The following TANGO6 variants were observed in gnomAD, a reference collection of about 807,000 sequenced individuals.
The protein encoded by TANGO6 is transport and golgi organization 6 homolog.
TANGO6 carries 90 observed loss-of-function variants against 114.2 expected under a neutral mutation model. The ratio of observed to expected loss-of-function variants is 0.79; its 90% CI spans 0.66 to 0.94. The LOEUF (loss-of-function observed/expected upper bound fraction) is 0.94. Among genes scored for constraint, TANGO6 ranks in the 40% least tolerant of loss-of-function variants. TANGO6 has a pLI of 0.00. For missense variants in TANGO6, 1,274 were observed against 1,315.3 expected (o/e 0.97, Z 0.49); for synonymous variants, 477 against 509.8 (o/e 0.94, Z 0.87).
rs55840312 is a variant in TANGO6 at position 69,084,848 on chromosome 16, C to T, written c.*1187C>T. 0.025 allele frequency: 3,786 copies of T among 152,448 alleles called. 70 individuals are homozygous for T. The highest frequency in any genetic ancestry group is 0.041 in the Admixed American group (628 of 15,294). 9.4% of individuals were successfully genotyped at this position (152,448 alleles called of 1,614,324 possible). ...AGCTCGAGTGACTGAAGGATCTATACACAAACATGGCTATTTGCTAGTTAA... is the reference window on the plus strand; with the variant it reads ...AGCTCGAGTGACTGAAGGATCTATATACAAACATGGCTATTTGCTAGTTAA... On this transcript the variant is annotated 3_prime_UTR_variant, in exon 18 of 18. Coordinates refer to ENST00000261778, the MANE Select transcript of TANGO6 (RefSeq NM_024562.2).
chr16:69,016,634 G>T (rs1192363234), intron 15 of TANGO6, among the ~76,000 whole-genome samples: 2 of 151,850 alleles, frequency 1.3e-5, no homozygotes, highest in Admixed American at 1.3e-4. Context: ...TACTGTAGAG[G>T]TTTTAAAATA....
chr16:69,083,061 CCTT>C (rs1161683559), intron 17 of TANGO6, among the ~76,000 whole-genome samples: 2 of 151,666 alleles, frequency 1.3e-5, no homozygotes, highest in Non-Finnish European at 2.9e-5. Context: ...ACCCCTGCCT[CCTT>C]CTCCAACCCA....
intron 17 of TANGO6, among the ~76,000 whole-genome samples, chr16:69,077,718 A>G (rs2152244776): frequency 6.6e-6 from 1 of 152,042 alleles, no homozygotes; most frequent in Admixed American, 6.6e-5. Flanking sequence ...AATCCCAGCT[A>G]CTCGGGAGGC....
At chr16:69,044,856 A>T (rs1022425046) in intron 17 of TANGO6, among the ~76,000 whole-genome samples, 3 of 152,154 alleles carry the variant, frequency 2.0e-5, no homozygotes, top group Non-Finnish European at 4.4e-5. Context: ...TATCTGAAAA[A>T]GAAAAAAAAT....
At chr16:68,962,075 G>A (rs1409079179) in intron 14 of TANGO6, among the ~76,000 whole-genome samples, 3 of 152,114 alleles carry the variant, frequency 2.0e-5, no homozygotes, top group Admixed American at 2.0e-4. Flanking sequence ...TATCAAATTG[G>A]CATGCTAGAC....
chr16:68,945,327 G>A lies in TANGO6; in HGVS notation c.2701+15032G>A, dbSNP rs74025340. On this transcript the variant is annotated intron_variant, in intron 14 of 17. Transcript: ENST00000261778. ...GCAGCAAGTTTGTTTCAGTAGCTAA[G>A]ATAAAACTGGTTTTAGGTTACTTTT... is the stretch of plus-strand genomic sequence containing the variant. Among the ~76,000 whole-genome samples the A allele has an allele frequency of 7.0e-3, 1,064 of 152,258 alleles. 16 individuals are homozygous for A. The highest frequency in any genetic ancestry group is 0.024 in the African/African-American group (1,017 of 41,554).
intron 14 of TANGO6, among the ~76,000 whole-genome samples, chr16:68,943,848 T>C (rs1460452094): frequency 6.6e-6 from 1 of 152,130 alleles, no homozygotes; most frequent in Non-Finnish European, 1.5e-5. Flanking sequence ...TATCTGCTAG[T>C]TTTTACGTGT....
intron 14 of TANGO6, among the ~76,000 whole-genome samples, chr16:68,956,310 C>T (rs1290866333): frequency 6.6e-6 from 1 of 152,162 alleles, no homozygotes. Context: ...TAAGAACCTG[C>T]ATTTACTCTG....
intron 11 of TANGO6, among the ~76,000 whole-genome samples, chr16:68,916,850 AT>A (rs1215744302): frequency 2.6e-5 from 4 of 152,224 alleles, no homozygotes; most frequent in African/African-American, 9.6e-5. Flanking sequence ...AGCCTCCTCC[AT>A]TGTCACCATC....
intron 14 of TANGO6, among the ~76,000 whole-genome samples, chr16:68,962,625 G>T (rs1052112463): frequency 6.6e-6 from 1 of 152,122 alleles, no homozygotes; most frequent in Admixed American, 6.6e-5. Flanking sequence ...GCCAGGCATG[G>T]TAGTGCATGC....
At position 69,063,808 on chromosome 16, in the gene TANGO6, C is replaced by CTTCTTCTTCTTCTTATTA. The variant is rs56983779; in HGVS notation, c.3109-19675_3109-19674insCTTCTTCTTCTTATTATT. Among the ~76,000 whole-genome samples the CTTCTTCTTCTTCTTATTA allele has an allele frequency of 5.4e-3, 682 of 125,542 alleles. 9 individuals carry two copies. Among genetic ancestry groups the CTTCTTCTTCTTCTTATTA allele is most frequent in the African/African-American group, 0.021 (629 of 30,612 alleles). 82.4% of individuals were successfully genotyped at this position (125,542 alleles called of 152,430 possible). On this transcript the variant is annotated intron_variant, in intron 17 of 17. Transcript: ENST00000261778. ...TCTTCTTCTTCTTCTTCTTCTTCTT[C>CTTCTTCTTCTTCTTATTA]TTATTATTATTATTATTATTATTAT...
chr16:69,068,212 G>A (rs1254495933), intron 17 of TANGO6, among the ~76,000 whole-genome samples: 1 of 152,060 alleles, frequency 6.6e-6, no homozygotes, highest in Non-Finnish European at 1.5e-5. Context: ...CCTGAGGCAG[G>A]AGGATCACCT....
Position 68,907,538 on chromosome 16 carries a change from G to A in TANGO6, c.1763G>A (p.Cys588Tyr), listed in dbSNP as rs375813110. Residue 588 changes from cysteine to tyrosine, a missense_variant, in exon 10 of 18, where the codon TGC becomes TAC. By Grantham distance (194) the Cys-to-Tyr change is radical. This residue lies in a region of TANGO6 where 908 missense variants were observed against 910.2 expected (regional missense o/e 1.00). Transcript: ENST00000261778. The part of the protein sequence containing the change: ...LGDLLSHCQE[C>Y]GLAGDFFIFC... ...GACTTGCTGTCCCACTGCCAGGAAT[G>A]CGGTTTGGCAGGAGACTTCTTCATC... 6.2e-6 allele frequency: 10 copies of A among 1,613,666 alleles called. No homozygotes were observed. The highest frequency in any genetic ancestry group is 8.5e-6 in the Non-Finnish European group (10 of 1,179,830).
intron 13 of TANGO6, among the ~76,000 whole-genome samples, chr16:68,929,484 G>C (rs767698271): frequency 6.6e-6 from 1 of 152,036 alleles, no homozygotes; most frequent in South Asian, 2.1e-4. Context: ...TAGGCTCTCC[G>C]TACATACTTC....
chr16:68,933,153 G>A (rs1245715085), intron 14 of TANGO6, among the ~76,000 whole-genome samples: 3 of 151,180 alleles, frequency 2.0e-5, no homozygotes, highest in Non-Finnish European at 2.9e-5. Flanking sequence ...TGTGGCTCAC[G>A]CCTATCATCC....
chr16:69,050,454 A>G (rs902005295), intron 17 of TANGO6, among the ~76,000 whole-genome samples: 1 of 147,254 alleles, frequency 6.8e-6, no homozygotes. Flanking sequence ...CAATCCTTCC[A>G]CCTCAGCCTC....
chr16:68,882,888 CG>C (rs1240935564), intron 7 of TANGO6, among the ~76,000 whole-genome samples: 1 of 151,898 alleles, frequency 6.6e-6, no homozygotes, highest in Non-Finnish European at 1.5e-5. Context: ...CGTTGTGGTA[CG>C]CGCCTGTAGT....
chr16:69,047,387 C>T (rs568669950), intron 17 of TANGO6, among the ~76,000 whole-genome samples: 1 of 151,776 alleles, frequency 6.6e-6, no homozygotes, highest in South Asian at 2.1e-4. Flanking sequence ...CCTAGCTCCT[C>T]GGGAGGCTGA....
At chr16:69,046,157 A>C (rs1959854815) in intron 17 of TANGO6, among the ~76,000 whole-genome samples, 1 of 152,094 alleles carries the variant, frequency 6.6e-6, no homozygotes, top group Admixed American at 6.6e-5. Flanking sequence ...TAACATTCAT[A>C]ATGTCCAGGA....
Sources: gnomAD v4.1 joint callset for allele counts (sites outside exome capture counted in the v4.1 genomes callset) on GRCh38, gnomAD v4.1.1 for gene constraint, gnomAD v4.1.1 regional missense constraint, MANE v1.5 for transcripts, NCBI Gene and HGNC (gene_info 2026-07-23, HGNC 2026-07-21) for gene names.